The following FLT3 variants were observed in gnomAD, a reference collection of about 807,000 sequenced individuals.
FLT3 encodes the protein fms related receptor tyrosine kinase 3.
A neutral mutation model predicts 126.6 loss-of-function variants in FLT3; 46 were observed. That is an observed-to-expected ratio of 0.36 (90% CI 0.29 to 0.46). FLT3 has a LOEUF of 0.46. Among genes scored for constraint, FLT3 ranks in the 20% least tolerant of loss-of-function variants. The probability of loss-of-function intolerance (pLI) is 1.00; values close to 1 mark genes in which losing one functional copy is unlikely to be tolerated. For synonymous variants in FLT3, 404 were observed against 434.4 expected, an observed-to-expected ratio of 0.93 and a Z score of 0.87; for missense variants, 1,069 against 1,190.3, an observed-to-expected ratio of 0.90 and a Z score of 1.50.
Position 28,008,262 on chromosome 13 carries a change from C to T in FLT3, c.2860-4088G>A, listed in dbSNP as rs1219163566. ...TCCAGGAATTTGAGGCTGCAATGAG[C>T]AAGAACCTGTCTCAAAAAAAAAAAA... On this transcript the variant is annotated intron_variant, in intron 23 of 23. Transcript: ENST00000241453. Among the ~76,000 whole-genome samples the T allele has an allele frequency of 7.0e-5, 5 of 71,616 alleles. No homozygotes were observed. In the East Asian group the frequency reaches 2.4e-3, roughly 34 times the overall value. 47.0% of individuals were successfully genotyped at this position (71,616 alleles called of 152,430 possible). A position where few individuals can be genotyped will look rare whatever the true frequency, so the allele number is the denominator to read the frequency against.
rs34953042 is a variant in FLT3 at position 28,040,538 on chromosome 13, C to CAA, written c.1206-3252_1206-3251dup. Among the ~76,000 whole-genome samples, 111 of 151,694 alleles carry CAA rather than the reference C, an allele frequency of 7.3e-4. No individual in the cohort carries two copies. The South Asian group carries it at 0.021, about 29-fold the overall frequency. ...GCAATCTACTGAGATCCCATCTCTACAAAAAAAATCCACAAAACGCCACTG... is the reference window on the plus strand; with the variant it reads ...GCAATCTACTGAGATCCCATCTCTACAAAAAAAAAATCCACAAAACGCCACTG... On this transcript the variant is annotated intron_variant, in intron 9 of 23. Transcript: ENST00000241453.
intron 2 of FLT3, 113 bp from the exon 3 acceptor site, chr13:28,062,182 C>G: frequency 1.4e-6 from 1 of 717,306 alleles, no homozygotes; most frequent in East Asian, 2.6e-5. Flanking sequence ...GCACGCAACA[C>G]CCACACAAGC....
At chr13:28,035,731 A>G (rs1873777300) in intron 11 of FLT3, 58 bp from the exon 12 acceptor site, 1 of 1,536,668 alleles carries the variant, frequency 6.5e-7, no homozygotes, top group African/African-American at 1.4e-5. Flanking sequence ...ATTGGAAGTT[A>G]GGATTTCTGC....
intron 4 of FLT3, among the ~76,000 whole-genome samples, chr13:28,055,994 T>C (rs765221979): frequency 6.6e-6 from 1 of 152,154 alleles, no homozygotes; most frequent in Non-Finnish European, 1.5e-5. Context: ...TTCAGAGTAA[T>C]TAAAGGACTT....
At chr13:28,015,523 G>T in intron 21 of FLT3, 67 bp downstream of exon 21, 4 of 824,764 alleles carry the variant, frequency 4.8e-6, no homozygotes, top group South Asian at 2.8e-5. Context: ...GGAGGGGTGG[G>T]GCGGCACCGA....
chr13:28,094,859 G>T (rs1263836757), intron 1 of FLT3, among the ~76,000 whole-genome samples: 1 of 152,130 alleles, frequency 6.6e-6, no homozygotes, highest in East Asian at 1.9e-4. Context: ...GAACAGAATT[G>T]CGTGAGTCAA....
At chr13:28,025,201 C>T in intron 17 of FLT3, 1 of 500,402 alleles carries the variant, frequency 2.0e-6, no homozygotes. Context: ...ATCCTTGCCA[C>T]AACCTATGAG....
intron 9 of FLT3, among the ~76,000 whole-genome samples, chr13:28,046,608 T>G (rs1057134717): frequency 3.3e-5 from 5 of 152,238 alleles, no homozygotes; most frequent in African/African-American, 1.2e-4. Context: ...TTATTATTTT[T>G]TCTTTTTGAG....
intron 3 of FLT3, among the ~76,000 whole-genome samples, chr13:28,060,412 A>T (rs1183753768): frequency 1.8e-5 from 2 of 111,942 alleles, no homozygotes; most frequent in Non-Finnish European, 3.8e-5. Context: ...ACAGAGCAAA[A>T]CTCTGCCTCA....
At chr13:28,031,072 A>G (rs1194457815) in intron 15 of FLT3, among the ~76,000 whole-genome samples, 1 of 152,042 alleles carries the variant, frequency 6.6e-6, no homozygotes, top group Admixed American at 6.5e-5. Context: ...TAAAAATACA[A>G]AAAAATTTAG....
intron 4 of FLT3, among the ~76,000 whole-genome samples, chr13:28,054,078 A>G (rs142361699): frequency 2.6e-5 from 4 of 152,312 alleles, no homozygotes; most frequent in Non-Finnish European, 5.9e-5. Context: ...AGGCATGTGT[A>G]TAACAGTTTC....
Position 28,035,860 on chromosome 13 carries a change from T to C in FLT3, c.1418+75A>G, listed in dbSNP as rs2491230. On this transcript the variant is annotated intron_variant, in intron 11 of 23. Transcript: ENST00000241453. ...AATATTTCATCATTTCCTCTTAAAC[T>C]GTATTCATGAAAGAGTCAATAGGTC... is the stretch of plus-strand genomic sequence containing the variant. The C allele has an allele frequency of 0.73, 928,814 of 1,269,586 alleles. 350,705 individuals carry two copies. Among genetic ancestry groups the C allele is most frequent in the Non-Finnish European group, 0.78 (680,389 of 872,060 alleles). The allele number at this position is 1,269,586 out of a possible 1,614,324, so 78.6% of individuals were successfully genotyped here.
At chr13:28,068,013 T>G in intron 2 of FLT3, 1 of 205,392 alleles carries the variant, frequency 4.9e-6, no homozygotes, top group South Asian at 7.8e-5. Flanking sequence ...TAAACCATAG[T>G]GGAGACTTTT....
At chr13:28,011,535 G>T (rs576392224) in intron 23 of FLT3, among the ~76,000 whole-genome samples, 1 of 152,158 alleles carries the variant, frequency 6.6e-6, no homozygotes, top group South Asian at 2.1e-4. Flanking sequence ...CCAGCAGAGC[G>T]GGCAAGATGG....
chr13:28,077,185 A>T (rs1390142394), intron 1 of FLT3, among the ~76,000 whole-genome samples: 3 of 152,162 alleles, frequency 2.0e-5, no homozygotes, highest in Admixed American at 6.5e-5. Flanking sequence ...ACAGTTACAT[A>T]GTGTGTGTGA....
intron 1 of FLT3, among the ~76,000 whole-genome samples, chr13:28,079,323 C>T (rs1252740913): frequency 1.3e-5 from 2 of 152,130 alleles, no homozygotes; most frequent in Non-Finnish European, 2.9e-5. Context: ...CCTTATTGTT[C>T]GTATCACTAT....
Position 28,052,529 on chromosome 13 carries a change from C to T in FLT3, c.614+16G>A, listed in dbSNP as rs2137739650. On this transcript the variant is annotated intron_variant, in intron 5 of 23. Transcript: ENST00000241453. ...AGGAAATTATGAGAATAGCAGCTAC[C>T]ATGGATGTGTCATACCTTTCCCCCT... 4 of 1,602,244 alleles carry T rather than the reference C, an allele frequency of 2.5e-6. No homozygotes were observed. Among genetic ancestry groups the T allele is most frequent in the Non-Finnish European group, 3.4e-6 (4 of 1,174,810 alleles).
chr13:28,037,953 T>G (rs1446747716), intron 9 of FLT3, among the ~76,000 whole-genome samples: 4 of 152,060 alleles, frequency 2.6e-5, no homozygotes, highest in African/African-American at 7.3e-5. Flanking sequence ...CCCGAAACCA[T>G]CCCCCTACCC....
At chr13:28,042,176 T>TAAA (rs1874447117) in intron 9 of FLT3, among the ~76,000 whole-genome samples, 1 of 140,454 alleles carries the variant, frequency 7.1e-6, no homozygotes, top group African/African-American at 2.6e-5. Flanking sequence ...ATAATAATAA[T>TAAA]AATAATAATA....
Sources: gnomAD v4.1 joint callset for allele counts (sites outside exome capture counted in the v4.1 genomes callset) on GRCh38, gnomAD v4.1.1 for gene constraint, MANE v1.5 for transcripts, NCBI Gene and HGNC (gene_info 2026-07-23, HGNC 2026-07-21) for gene names.